Variants in SBNO1 observed in about 807,000 individuals in gnomAD.
SBNO1 encodes the protein protein strawberry notch homolog 1.
A neutral mutation model predicts 173.6 loss-of-function variants in SBNO1; 23 were observed. The observed-to-expected ratio is 0.13, with a 90% CI of 0.10 to 0.19. The LOEUF (loss-of-function observed/expected upper bound fraction) is 0.19. SBNO1 is among the 10% of genes least tolerant of loss of function. The pLI is 1.00. For synonymous variants in SBNO1, 632 were observed against 571.5 expected (o/e 1.11, Z -1.51); for missense variants, 1,238 against 1,671.2 (o/e 0.74, Z 4.52).
chr12:123,334,004 T>C (rs1389976759), intron 7 of SBNO1, 49 bp downstream of exon 7: 3 of 1,255,378 alleles, frequency 2.4e-6, no homozygotes, highest in East Asian at 2.8e-5. Flanking sequence ...AACTCTGTTA[T>C]ATAGAATAGG....
chr12:123,335,671 G>A (rs138539551), intron 6 of SBNO1, among the ~76,000 whole-genome samples: 272 of 152,238 alleles, frequency 1.8e-3, no homozygotes, highest in African/African-American at 6.2e-3. Context: ...TAGATAATAA[G>A]TAAACCAATA....
At chr12:123,314,333 A>C (rs1248551853) in intron 23 of SBNO1, among the ~76,000 whole-genome samples, 1 of 96,278 alleles carries the variant, frequency 1.0e-5, no homozygotes, top group African/African-American at 2.6e-5. Context: ...TGCCCAACTA[A>C]ATTTTTTTTT....
intron 5 of SBNO1, among the ~76,000 whole-genome samples, chr12:123,340,594 A>AG (rs1243848811): frequency 1.3e-5 from 2 of 150,840 alleles, no homozygotes; most frequent in Non-Finnish European, 2.9e-5. Flanking sequence ...AAAAAAAAAA[A>AG]AAAAAAAAAA....
chr12:123,326,614 G>A, intron 13 of SBNO1, among the ~76,000 whole-genome samples: 1 of 152,096 alleles, frequency 6.6e-6, no homozygotes, highest in Non-Finnish European at 1.5e-5. Flanking sequence ...ATGAAAACAT[G>A]GACAATCTGA....
chr12:123,314,399 G>C (rs996186120), intron 23 of SBNO1, among the ~76,000 whole-genome samples: 4 of 151,150 alleles, frequency 2.6e-5, no homozygotes, highest in African/African-American at 9.7e-5. Flanking sequence ...GTGTAAACTC[G>C]GCTCACTGCA....
rs1290503807 is a variant in SBNO1, at chr12:123,295,213, C to T, written c.*695G>A. The T allele has an allele frequency of 6.6e-6, 1 of 152,164 alleles. No homozygotes were observed. Among genetic ancestry groups the T allele is most frequent in the African/African-American group, 2.4e-5 (1 of 41,438 alleles). 9.4% of individuals were successfully genotyped at this position (152,164 alleles called of 1,614,324 possible). A position where few individuals can be genotyped will look rare whatever the true frequency, so the allele number is the denominator to read the frequency against. On this transcript the variant is annotated 3_prime_UTR_variant, in exon 32 of 32. Coordinates refer to ENST00000602398, the MANE Select transcript of SBNO1 (RefSeq NM_001167856.3). The stretch of plus-strand genomic sequence containing the variant: ...GGCAGGGAGAAGGGGAAGGAGGGGT[C>T]TGCAGGGTTTGAAGCAATACCCAGG...
At chr12:123,352,409 T>TCAA (rs1329735219) in intron 1 of SBNO1, among the ~76,000 whole-genome samples, 16 of 152,098 alleles carry the variant, frequency 1.1e-4, no homozygotes, top group African/African-American at 2.4e-5. Context: ...CCTCCCGGGC[T>TCAA]GATGCTCCTG....
Position 123,328,897 on chromosome 12 carries a change from T to TA in SBNO1, c.1135-3dup. The TA allele has an allele frequency of 6.7e-7, 1 of 1,499,012 alleles. No individual in the cohort carries two copies. Among genetic ancestry groups the TA allele is most frequent in the Non-Finnish European group, 9.1e-7 (1 of 1,099,508 alleles). 92.9% of individuals were successfully genotyped at this position (1,499,012 alleles called of 1,614,324 possible). A position where few individuals can be genotyped will look rare whatever the true frequency, so the allele number is the denominator to read the frequency against. On this transcript the variant is annotated splice_region_variant and splice_polypyrimidine_tract_variant and intron_variant, in intron 9 of 31. Transcript: ENST00000602398. ...GGAAGAAATTTTTCCGTATTTAAACTAAAAAAGAAAAGAAAAGAATTTAGT... is the reference window on the plus strand; with the variant it reads ...GGAAGAAATTTTTCCGTATTTAAACTAAAAAAAGAAAAGAAAAGAATTTAGT...
chr12:123,341,146 T>C, intron 4 of SBNO1, 58 bp from the exon 5 acceptor site: 1 of 1,069,534 alleles, frequency 9.3e-7, no homozygotes. Flanking sequence ...ATTTTCCCAT[T>C]ATTTAAAAAT....
intron 31 of SBNO1, among the ~76,000 whole-genome samples, chr12:123,297,594 T>C (rs541358116): frequency 3.0e-4 from 45 of 152,088 alleles, no homozygotes; most frequent in African/African-American, 9.9e-4. Context: ...CCTTGCTCCC[T>C]GCAGGACACC....
chr12:123,340,209 A>C (rs926086818), intron 5 of SBNO1, among the ~76,000 whole-genome samples: 1 of 152,156 alleles, frequency 6.6e-6, no homozygotes, highest in Non-Finnish European at 1.5e-5. Context: ...CATATTAACA[A>C]TGTTATACAT....
intron 1 of SBNO1, 55 bp from the exon 2 acceptor site, chr12:123,350,496 A>C (rs942924251): frequency 7.4e-7 from 1 of 1,347,148 alleles, no homozygotes; most frequent in African/African-American, 1.4e-5. Flanking sequence ...ACAAATATTA[A>C]CTCCCCTCTA....
chr12:123,304,407 T>A (rs2048864957), intron 29 of SBNO1, 175 bp downstream of exon 29: 1 of 483,018 alleles, frequency 2.1e-6, no homozygotes, highest in South Asian at 2.2e-5. Context: ...GATAATATTT[T>A]GCATTTTTAG....
rs974799473 is a variant in SBNO1, at chr12:123,328,456, C to T, written c.1296+278G>A. ...TCACTTAGTCTTCTCGGGTATTCTG[C>T]TATGTAAATATGCAATGTTAATCCT... On this transcript the variant is annotated intron_variant, in intron 10 of 31. Coordinates refer to ENST00000602398, the MANE Select transcript of SBNO1 (RefSeq NM_001167856.3). Among the ~76,000 whole-genome samples the T allele has an allele frequency of 2.0e-5, 3 of 152,104 alleles. No individual in the cohort carries two copies. In the South Asian group the frequency reaches 6.2e-4, roughly 32 times the overall value.
chr12:123,346,050 T>C (rs1415340160), intron 3 of SBNO1, among the ~76,000 whole-genome samples: 2 of 152,150 alleles, frequency 1.3e-5, no homozygotes, highest in African/African-American at 2.4e-5. Context: ...GAAGGTATAG[T>C]TGTAATATAA....
At position 123,289,625 on chromosome 12, in the gene SBNO1, C is replaced by A. The variant is rs2048481696; in HGVS notation, c.*6283G>T. On this transcript the variant is annotated 3_prime_UTR_variant, in exon 32 of 32. Transcript: ENST00000602398. The stretch of plus-strand genomic sequence containing the variant: ...TTTGCTCAGAGGAGGTAGAACCTGG[C>A]CAAAGTTTTATTGCAGAGATACAGT... 1 of 152,134 alleles carries A rather than the reference C, an allele frequency of 6.6e-6. No individual in the cohort carries two copies. The highest frequency in any genetic ancestry group is 1.5e-5 in the Non-Finnish European group (1 of 68,026). The allele number at this position is 152,134 out of a possible 1,614,324, so 9.4% of individuals were successfully genotyped here.
chr12:123,302,696 G>C, intron 30 of SBNO1, 128 bp downstream of exon 30: 2 of 707,234 alleles, frequency 2.8e-6, no homozygotes, highest in South Asian at 3.1e-5. Flanking sequence ...ATTCCTGATG[G>C]AACACACCAC....
chr12:123,359,826 A>T (rs1296786480), intron 1 of SBNO1, among the ~76,000 whole-genome samples: 2 of 152,214 alleles, frequency 1.3e-5, no homozygotes, highest in African/African-American at 2.4e-5. Context: ...GGTGAGTTCA[A>T]GCCACAACAA....
intron 4 of SBNO1, among the ~76,000 whole-genome samples, chr12:123,344,886 C>T (rs1469413067): frequency 7.2e-5 from 11 of 152,062 alleles, no homozygotes. Context: ...GTGGGCTCTA[C>T]TGAGAATCAG....
Sources: allele counts gnomAD v4.1 joint callset (sites outside exome capture counted in the v4.1 genomes callset), GRCh38; gene constraint gnomAD v4.1.1; transcripts MANE v1.5; gene names NCBI Gene and HGNC (gene_info 2026-07-23, HGNC 2026-07-21).